Variants in KLHL29 observed in about 807,000 individuals in gnomAD.
KLHL29 encodes kelch-like protein 29.
In KLHL29, 21 loss-of-function variants were observed where a neutral mutation model predicts 80.4. That is an observed-to-expected ratio of 0.26 (90% CI 0.19 to 0.38). The LOEUF is 0.38. Among genes scored for constraint, KLHL29 ranks in the 10% least tolerant of loss-of-function variants. The pLI, the probability that KLHL29 is intolerant of heterozygous loss-of-function variation, is 1.00. For missense variants in KLHL29, 867 were observed against 1,223.9 expected (o/e 0.71, Z 4.35); for synonymous variants, 511 against 526.8 (o/e 0.97, Z 0.41).
intron 2 of KLHL29, among the ~76,000 whole-genome samples, chr2:23,552,706 G>T (rs1224797936): frequency 1.3e-5 from 2 of 150,944 alleles, no homozygotes; most frequent in Non-Finnish European, 2.9e-5. Context: ...GCCACCTGTG[G>T]TCCCCAGAGT....
intron 3 of KLHL29, among the ~76,000 whole-genome samples, chr2:23,590,772 C>G (rs1668239890): frequency 6.6e-6 from 1 of 152,194 alleles, no homozygotes; most frequent in South Asian, 2.1e-4. Flanking sequence ...GGAGAGTGCG[C>G]CGTGAGTCAG....
intron 3 of KLHL29, among the ~76,000 whole-genome samples, chr2:23,632,199 G>A (rs1430931563): frequency 1.3e-5 from 2 of 152,192 alleles, no homozygotes; most frequent in Admixed American, 6.5e-5. Context: ...GTGATAACCT[G>A]CCAACACTAG....
intron 1 of KLHL29, among the ~76,000 whole-genome samples, chr2:23,464,340 A>G (rs2103430383): frequency 6.6e-6 from 1 of 152,312 alleles, no homozygotes; most frequent in African/African-American, 2.4e-5. Flanking sequence ...GTGAAGGGCC[A>G]GGGAATTAAT....
chr2:23,684,992 G>T lies in KLHL29; in HGVS notation c.1079+455G>T, dbSNP rs1322438532. ...AATGCCAGGAAAGCGCATCGGCCAG[G>T]CTGTCCCTGCTGAGGAGCACAAGGT... is the stretch of plus-strand genomic sequence containing the variant. On this transcript the variant is annotated intron_variant, in intron 6 of 13. Transcript: ENST00000486442. This position sits in a 1 kb window ranked among gnomAD's most constrained non-coding sequence, Gnocchi z 4.4. Among the ~76,000 whole-genome samples, 3 of 152,328 alleles carry T rather than the reference G, an allele frequency of 2.0e-5. No individual in the cohort carries two copies. In the South Asian group the frequency reaches 6.2e-4, roughly 32 times the overall value.
intron 1 of KLHL29, among the ~76,000 whole-genome samples, chr2:23,404,650 T>C (rs563385638): frequency 6.6e-6 from 1 of 152,346 alleles, no homozygotes; most frequent in Admixed American, 6.5e-5. Context: ...GAGAGTGTTC[T>C]GCAGAGCAGG....
At chr2:23,406,076 C>T (rs186747328) in intron 1 of KLHL29, among the ~76,000 whole-genome samples, 44 of 152,264 alleles carry the variant, frequency 2.9e-4, no homozygotes, top group Non-Finnish European at 2.2e-4. Flanking sequence ...CGCCTGTACT[C>T]CTACCACTTT....
intron 1 of KLHL29, among the ~76,000 whole-genome samples, chr2:23,409,391 GGGGCGGAAT>G (rs1666809925): frequency 1.3e-5 from 2 of 152,162 alleles, no homozygotes; most frequent in Admixed American, 1.3e-4. Flanking sequence ...GCTGGAGGTG[GGGGCGGAAT>G]CTCCCCACAT....
chr2:23,415,195 G>T (rs1488454894), intron 1 of KLHL29, among the ~76,000 whole-genome samples: 1 of 152,222 alleles, frequency 6.6e-6, no homozygotes, highest in Non-Finnish European at 1.5e-5. Context: ...GGTGCGTCCT[G>T]TTGGTGGAGC....
intron 3 of KLHL29, among the ~76,000 whole-genome samples, chr2:23,619,877 A>G (rs1025961809): frequency 2.0e-5 from 3 of 152,340 alleles, no homozygotes; most frequent in African/African-American, 7.2e-5. Context: ...GAAATAAGGC[A>G]TGGTCTGTCC....
intron 5 of KLHL29, among the ~76,000 whole-genome samples, chr2:23,657,139 G>T (rs1004813220): frequency 6.6e-6 from 1 of 152,086 alleles, no homozygotes; most frequent in South Asian, 2.1e-4. Context: ...GCTTGTCTCT[G>T]ACAAGGCACC....
chr2:23,391,782 T>G (rs1666328020), intron 1 of KLHL29, among the ~76,000 whole-genome samples: 1 of 152,220 alleles, frequency 6.6e-6, no homozygotes, highest in Non-Finnish European at 1.5e-5. Context: ...AGTTTTCAAT[T>G]GAAGAGACTT....
chr2:23,663,677 CA>C (rs1670481292), intron 5 of KLHL29, among the ~76,000 whole-genome samples: 1 of 152,208 alleles, frequency 6.6e-6, no homozygotes, highest in African/African-American at 2.4e-5. Context: ...GTTGTGTTCT[CA>C]ATGTGCTGAT....
intron 2 of KLHL29, among the ~76,000 whole-genome samples, chr2:23,505,157 C>T (rs1017940331): frequency 6.6e-6 from 1 of 152,220 alleles, no homozygotes; most frequent in African/African-American, 2.4e-5. Flanking sequence ...GTGTCGTTCA[C>T]CATGGTCCCT....
chr2:23,702,568 C>A (rs759888402), intron 11 of KLHL29, among the ~76,000 whole-genome samples: 3 of 152,160 alleles, frequency 2.0e-5, no homozygotes, highest in African/African-American at 2.4e-5. Context: ...GCTTCCCATC[C>A]ACCTAGCTAG....
At chr2:23,595,171 A>G (rs190720737) in intron 3 of KLHL29, among the ~76,000 whole-genome samples, 236 of 152,140 alleles carry the variant, frequency 1.6e-3, no homozygotes, top group Admixed American at 2.6e-3. Flanking sequence ...GCACCCGCAG[A>G]GGGCCTGGGA....
At chr2:23,403,407 C>A (rs529987486) in intron 1 of KLHL29, among the ~76,000 whole-genome samples, 1 of 152,286 alleles carries the variant, frequency 6.6e-6, no homozygotes, top group Admixed American at 6.5e-5. Flanking sequence ...CATAATGAAT[C>A]TCAGACTCAC....
intron 4 of KLHL29, among the ~76,000 whole-genome samples, chr2:23,641,216 A>T (rs1400893122): frequency 6.6e-6 from 1 of 151,804 alleles, no homozygotes; most frequent in Non-Finnish European, 1.5e-5. Context: ...GGCACAGCTG[A>T]CCTCGCCTCT....
intron 2 of KLHL29, among the ~76,000 whole-genome samples, chr2:23,521,001 C>A (rs367902273): frequency 2.6e-5 from 4 of 151,964 alleles, no homozygotes; most frequent in East Asian, 3.9e-4. Context: ...CACCCCCCCC[C>A]CCGCTCCCCC....
rs1671099509 is a variant in KLHL29 at position 23,682,053 on chromosome 2, T to C, written c.941-2346T>C. 1.3e-5 allele frequency among the ~76,000 whole-genome samples: 2 copies of C among 151,184 alleles called. No homozygotes were observed. The highest frequency in any genetic ancestry group is 2.9e-5 in the Non-Finnish European group (2 of 67,842). On this transcript the variant is annotated intron_variant, in intron 5 of 13. Coordinates refer to ENST00000486442, the MANE Select transcript of KLHL29 (RefSeq NM_052920.2). This position sits in a 1 kb window ranked among gnomAD's most constrained non-coding sequence, Gnocchi z 4.1. Reference sequence around the variant, plus strand: ...CCCCACAACTGATCTTCTTGTTCCCTCCCTTCCTGATGTCCCACCACCATC... The same window carrying C: ...CCCCACAACTGATCTTCTTGTTCCCCCCCTTCCTGATGTCCCACCACCATC...
Sources: gnomAD v4.1 joint callset for allele counts (sites outside exome capture counted in the v4.1 genomes callset) on GRCh38, gnomAD v4.1.1 for gene constraint, Gnocchi (gnomAD v3.1) non-coding constraint, MANE v1.5 for transcripts, NCBI Gene and HGNC (gene_info 2026-07-23, HGNC 2026-07-21) for gene names.